Variants in PDSS2 observed in about 807,000 individuals in gnomAD.
PDSS2 encodes decaprenyl diphosphate synthase subunit 2, also known as all trans-polyprenyl-diphosphate synthase PDSS2.
Under a neutral mutation model 44.5 loss-of-function variants are expected in PDSS2, and 31 were observed. The observed-to-expected ratio is 0.70, with a 90% CI of 0.52 to 0.94. The LOEUF is 0.94. PDSS2 is among the 40% of genes least tolerant of loss of function. PDSS2 has a pLI of 0.00. For synonymous variants in PDSS2, 157 were observed against 180.3 expected (o/e 0.87, Z 1.03); for missense variants, 452 against 482.2 (o/e 0.94, Z 0.59).
intron 4 of PDSS2, among the ~76,000 whole-genome samples, chr6:107,220,312 A>G (rs558946173): frequency 6.6e-6 from 1 of 152,192 alleles, no homozygotes; most frequent in Non-Finnish European, 1.5e-5. Context: ...TTAAATTAAC[A>G]TTTTAAAAAA....
intron 7 of PDSS2, among the ~76,000 whole-genome samples, chr6:107,189,148 A>G (rs1393202672): frequency 1.3e-5 from 2 of 152,186 alleles, no homozygotes; most frequent in Non-Finnish European, 2.9e-5. Context: ...CTCAGGCTCA[A>G]GCAATCCTCC....
intron 1 of PDSS2, among the ~76,000 whole-genome samples, chr6:107,385,338 A>AG (rs200871739): frequency 6.6e-6 from 1 of 151,622 alleles, no homozygotes; most frequent in Non-Finnish European, 1.5e-5. Context: ...TGTCTCTTAA[A>AG]AAAAAAAAAA....
At chr6:107,448,036 T>C (rs1168139708) in intron 1 of PDSS2, among the ~76,000 whole-genome samples, 2 of 152,228 alleles carry the variant, frequency 1.3e-5, no homozygotes, top group African/African-American at 2.4e-5. Context: ...CTTTTAGCCA[T>C]TGCTGAAGCT....
chr6:107,326,796 G>C (rs1429981483), intron 2 of PDSS2, among the ~76,000 whole-genome samples: 1 of 151,538 alleles, frequency 6.6e-6, no homozygotes, highest in Non-Finnish European at 1.5e-5. Context: ...AGGTTGCAGT[G>C]AGCCGAGATC....
At chr6:107,227,442 C>T (rs57447608) in intron 4 of PDSS2, among the ~76,000 whole-genome samples, 1,658 of 151,470 alleles carry the variant, frequency 0.011, 38 homozygotes, top group African/African-American at 0.037. Context: ...TTGTGTGCCA[C>T]CACACTTGGC....
At chr6:107,278,514 G>T (rs563091754) in intron 2 of PDSS2, among the ~76,000 whole-genome samples, 162 of 152,298 alleles carry the variant, frequency 1.1e-3, no homozygotes, top group African/African-American at 3.8e-3. Context: ...ATCACATAAT[G>T]AGATTATGGG....
At chr6:107,418,631 C>T (rs775969142) in intron 1 of PDSS2, among the ~76,000 whole-genome samples, 9 of 151,838 alleles carry the variant, frequency 5.9e-5, no homozygotes, top group African/African-American at 1.2e-4. Context: ...AAAAATTAGC[C>T]GGGTGTGGTG....
At chr6:107,381,091 T>C (rs1191491943) in intron 1 of PDSS2, among the ~76,000 whole-genome samples, 1 of 152,170 alleles carries the variant, frequency 6.6e-6, no homozygotes, top group Non-Finnish European at 1.5e-5. Context: ...GTAAGCACCC[T>C]AATAATGGGA....
intron 3 of PDSS2, among the ~76,000 whole-genome samples, chr6:107,250,537 A>G (rs1342058236): frequency 1.3e-5 from 2 of 151,862 alleles, no homozygotes; most frequent in Admixed American, 1.3e-4. Flanking sequence ...CAATAAACCT[A>G]TTTCCTTGGG....
At chr6:107,366,266 A>G (rs1778957457) in intron 1 of PDSS2, among the ~76,000 whole-genome samples, 1 of 152,166 alleles carries the variant, frequency 6.6e-6, no homozygotes, top group African/African-American at 2.4e-5. Flanking sequence ...TAAACAACAT[A>G]CTTCTAAATA....
chr6:107,396,038 G>A (rs922308418), intron 1 of PDSS2, among the ~76,000 whole-genome samples: 4 of 152,068 alleles, frequency 2.6e-5, no homozygotes, highest in Admixed American at 2.0e-4. Context: ...AAGAACCCAC[G>A]TATTCTGTGA....
intron 6 of PDSS2, among the ~76,000 whole-genome samples, chr6:107,208,624 TTG>T (rs200130785): frequency 4.7e-4 from 66 of 139,554 alleles, no homozygotes; most frequent in Admixed American, 6.1e-4. Flanking sequence ...TTTTTTTTTT[TTG>T]GGGACGGAGT....
chr6:107,222,198 T>C (rs9398126), intron 4 of PDSS2, among the ~76,000 whole-genome samples: 115,455 of 151,990 alleles, frequency 0.76, 44,561 homozygotes, highest in East Asian at 0.99. Flanking sequence ...TTAAAAAAGG[T>C]CAAGTATAGA....
intron 3 of PDSS2, among the ~76,000 whole-genome samples, chr6:107,260,179 G>T (rs924901890): frequency 6.6e-6 from 1 of 152,182 alleles, no homozygotes; most frequent in Admixed American, 6.5e-5. Context: ...GTCAGTTAAT[G>T]ACCTGTTGGG....
In PDSS2 at chr6:107,426,702, G is replaced by A. The variant is rs143527802; in HGVS notation, c.296+32288C>T. 1.8e-4 allele frequency among the ~76,000 whole-genome samples: 27 copies of A among 152,282 alleles called. 1 individual carries two copies. The highest frequency in any genetic ancestry group is 1.7e-3 in the East Asian group (9 of 5,160). ...ATGGGAGCCCACCCTTTGCATCAGC[G>A]TGACCTGAATGCAAGACATGGAGTC... On this transcript the variant is annotated intron_variant, in intron 1 of 7. Transcript: ENST00000369037.
chr6:107,410,573 C>A (rs1327311390), intron 1 of PDSS2, among the ~76,000 whole-genome samples: 1 of 152,164 alleles, frequency 6.6e-6, no homozygotes, highest in Non-Finnish European at 1.5e-5. Flanking sequence ...ACTGCAACCT[C>A]TGCCTCCCAG....
intron 7 of PDSS2, among the ~76,000 whole-genome samples, chr6:107,182,699 G>A (rs922980171): frequency 6.6e-5 from 10 of 152,138 alleles, no homozygotes; most frequent in African/African-American, 2.4e-4. Context: ...AAACTGATCA[G>A]TGATTATTTT....
At chr6:107,388,666 G>A (rs1779687562) in intron 1 of PDSS2, among the ~76,000 whole-genome samples, 2 of 152,140 alleles carry the variant, frequency 1.3e-5, no homozygotes, top group African/African-American at 2.4e-5. Flanking sequence ...CACCGTGTTA[G>A]CCAGGATGGT....
intron 2 of PDSS2, among the ~76,000 whole-genome samples, chr6:107,298,014 A>C (rs1273739295): frequency 6.6e-6 from 1 of 152,166 alleles, no homozygotes; most frequent in Non-Finnish European, 1.5e-5. Flanking sequence ...CAAAGTCCTG[A>C]GATTACAGGT....
Sources: allele counts gnomAD v4.1 joint callset (sites outside exome capture counted in the v4.1 genomes callset), GRCh38; gene constraint gnomAD v4.1.1; transcripts MANE v1.5; gene names NCBI Gene and HGNC (gene_info 2026-07-23, HGNC 2026-07-21).